The following RBFOX1 variants were observed in gnomAD, a reference collection of about 807,000 sequenced individuals.
RBFOX1 encodes the protein RNA binding protein fox-1 homolog 1.
Under a neutral mutation model 57.7 loss-of-function variants are expected in RBFOX1, and 8 were observed. The observed-to-expected ratio is 0.14, with a 90% CI of 0.08 to 0.25. The LOEUF (loss-of-function observed/expected upper bound fraction) is 0.25. Ranked by LOEUF, RBFOX1 falls within the 10% of genes least tolerant of loss-of-function variation. RBFOX1 has a pLI of 1.00. For synonymous variants in RBFOX1, 326 were observed against 222.4 expected (o/e 1.47, Z -4.15); for missense variants, 611 against 548.5 (o/e 1.11, Z -1.14).
At chr16:7,290,838 C>G (rs976302034) in intron 4 of RBFOX1, among the ~76,000 whole-genome samples, 3 of 152,208 alleles carry the variant, frequency 2.0e-5, no homozygotes, top group African/African-American at 4.8e-5. Context: ...TCTAAGCCTT[C>G]TGAGTCTCAG....
chr16:6,153,033 G>GTTTTTTTTTTTTTTTTTTTTTAT (rs59957159), intron 1 of RBFOX1, among the ~76,000 whole-genome samples: 1 of 128,134 alleles, frequency 7.8e-6, no homozygotes, highest in Non-Finnish European at 1.7e-5. Context: ...GTTATTTTCT[G>GTTTTTTTTTTTTTTTTTTTTTAT]TTTTTTTTTT....
chr16:7,496,534 T>G (rs1347487023), intron 4 of RBFOX1, among the ~76,000 whole-genome samples: 1 of 152,152 alleles, frequency 6.6e-6, no homozygotes, highest in Non-Finnish European at 1.5e-5. Flanking sequence ...TCACTTAGGG[T>G]GTATACATGA....
chr16:5,731,511 C>T (rs559071524), intron 3 of RBFOX1, among the ~76,000 whole-genome samples: 3 of 152,254 alleles, frequency 2.0e-5, no homozygotes, highest in South Asian at 2.1e-4. Context: ...TAGGAGGGGC[C>T]GTGATTTGAA....
chr16:7,497,506 G>A (rs1266160452), intron 4 of RBFOX1, among the ~76,000 whole-genome samples: 1 of 151,948 alleles, frequency 6.6e-6, no homozygotes, highest in Non-Finnish European at 1.5e-5. Context: ...CGATTTTTTG[G>A]TATCTCTCTT....
chr16:7,061,927 T>G (rs1179259549), intron 4 of RBFOX1, among the ~76,000 whole-genome samples: 4 of 151,564 alleles, frequency 2.6e-5, no homozygotes, highest in Admixed American at 2.0e-4. Flanking sequence ...TTCCCTCCAG[T>G]TGGGGGTAGG....
chr16:6,083,308 G>A lies in RBFOX1; in HGVS notation c.-127+63316G>A, dbSNP rs150703012. Among the ~76,000 whole-genome samples, 14 of 152,182 alleles carry A rather than the reference G, an allele frequency of 9.2e-5. No individual in the cohort carries two copies. In the East Asian group the frequency reaches 2.1e-3, roughly 23 times the overall value. On this transcript the variant is annotated intron_variant, in intron 1 of 15. Transcript: ENST00000550418. Reference sequence around the variant, plus strand: ...GTGAGCTATTGCTCCCAGCCCAAATGTTTTTATACTAAGGTGGAACATGCT... The same window carrying A: ...GTGAGCTATTGCTCCCAGCCCAAATATTTTTATACTAAGGTGGAACATGCT...
intron 4 of RBFOX1, among the ~76,000 whole-genome samples, chr16:7,504,051 C>G (rs746521049): frequency 3.3e-5 from 5 of 152,116 alleles, no homozygotes; most frequent in African/African-American, 9.7e-5. Context: ...ATAATTATAT[C>G]TCTATGATTA....
Position 7,023,962 on chromosome 16 carries a change from C to T in RBFOX1, c.-15-28095C>T, listed in dbSNP as rs896969083. Among the ~76,000 whole-genome samples, 7 of 152,236 alleles carry T rather than the reference C, an allele frequency of 4.6e-5. No individual in the cohort carries two copies. In the East Asian group the frequency reaches 1.2e-3, roughly 25 times the overall value. ...TCCCATGAGGGCAATAGCTGTCACT[C>T]TCCTAGGGGATGTTTTGATAAGACA... is the stretch of plus-strand genomic sequence containing the variant. On this transcript the variant is annotated intron_variant, in intron 3 of 15. Coordinates refer to ENST00000550418, the MANE Select transcript of RBFOX1 (RefSeq NM_018723.4).
chr16:5,550,491 C>G (rs2045418830), intron 2 of RBFOX1, among the ~76,000 whole-genome samples: 1 of 152,200 alleles, frequency 6.6e-6, no homozygotes, highest in Non-Finnish European at 1.5e-5. Flanking sequence ...GGAGCCAGCT[C>G]TCCCTTGACC....
rs535800042 is a variant in RBFOX1, at chr16:5,931,829, C to A, written c.351+64494C>A. Reference sequence around the variant, plus strand: ...CTGCTGTGATTAGATTGTTATGTGGCATAGGTCTTGCTCTGTCTCCCAGGC... The same window carrying A: ...CTGCTGTGATTAGATTGTTATGTGGAATAGGTCTTGCTCTGTCTCCCAGGC... On this transcript the variant is annotated intron_variant, in intron 4 of 19. Transcript: ENST00000641259. Among the ~76,000 whole-genome samples the A allele has an allele frequency of 4.9e-4, 74 of 152,232 alleles. 1 individual carries two copies. The highest frequency in any genetic ancestry group is 7.1e-4 in the Non-Finnish European group (48 of 68,014).
intron 11 of RBFOX1, among the ~76,000 whole-genome samples, chr16:7,644,900 G>T (rs1210517932): frequency 1.3e-5 from 2 of 152,078 alleles, no homozygotes; most frequent in Non-Finnish European, 2.9e-5. Flanking sequence ...ACTGAATTTG[G>T]GAGTCAAGTT....
intron 2 of RBFOX1, chr16:6,483,395 G>A: frequency 6.5e-7 from 1 of 1,532,864 alleles, no homozygotes; most frequent in Non-Finnish European, 8.7e-7. Flanking sequence ...CAGATGACTG[G>A]AGTCATTTAC....
intron 3 of RBFOX1, among the ~76,000 whole-genome samples, chr16:6,906,381 C>A (rs1016215354): frequency 1.3e-5 from 2 of 152,056 alleles, no homozygotes; most frequent in South Asian, 4.2e-4. Flanking sequence ...CACCGAAACT[C>A]ATAAAAAATA....
chr16:7,706,456 C>T (rs1247750609), intron 14 of RBFOX1, among the ~76,000 whole-genome samples: 1 of 152,146 alleles, frequency 6.6e-6, no homozygotes, highest in Non-Finnish European at 1.5e-5. Flanking sequence ...ATAGAATTTA[C>T]CACTGAAGTA....
intron 1 of RBFOX1, among the ~76,000 whole-genome samples, chr16:6,238,183 A>T (rs2097521493): frequency 6.6e-6 from 1 of 152,122 alleles, no homozygotes; most frequent in South Asian, 2.1e-4. Context: ...CTTAGATGAC[A>T]TAAAAATATT....
At chr16:6,703,831 T>A (rs1329037124) in intron 3 of RBFOX1, 1 of 152,276 alleles carries the variant, frequency 6.6e-6, no homozygotes, top group African/African-American at 2.4e-5. Flanking sequence ...TGGCTTCCCC[T>A]CTCTGACAAG....
chr16:5,456,254 G>C (rs368562043), intron 1 of RBFOX1, among the ~76,000 whole-genome samples: 3 of 151,970 alleles, frequency 2.0e-5, no homozygotes, highest in African/African-American at 7.3e-5. Context: ...TGATATGAAC[G>C]TGCTATACTT....
intron 3 of RBFOX1, among the ~76,000 whole-genome samples, chr16:6,908,956 A>G (rs977644109): frequency 3.9e-5 from 6 of 152,024 alleles, no homozygotes; most frequent in Non-Finnish European, 5.9e-5. Context: ...CTTCCCCCCA[A>G]CACGCTCTCT....
intron 2 of RBFOX1, among the ~76,000 whole-genome samples, chr16:6,523,542 G>T (rs2096537704): frequency 6.6e-6 from 1 of 152,124 alleles, no homozygotes; most frequent in South Asian, 2.1e-4. Flanking sequence ...GATGACTTTG[G>T]TACGCTACTT....
Sources: allele counts gnomAD v4.1 joint callset (sites outside exome capture counted in the v4.1 genomes callset), GRCh38; gene constraint gnomAD v4.1.1; transcripts MANE v1.5; gene names NCBI Gene and HGNC (gene_info 2026-07-23, HGNC 2026-07-21).